Variants in SPTB observed in about 807,000 individuals in gnomAD.
SPTB encodes the protein spectrin beta chain, erythrocytic.
Under a neutral mutation model 256.2 loss-of-function variants are expected in SPTB, and 45 were observed. That is an observed-to-expected ratio of 0.18 (90% CI 0.14 to 0.23). The LOEUF (loss-of-function observed/expected upper bound fraction) is 0.23. Among genes scored for constraint, SPTB ranks in the 10% least tolerant of loss-of-function variants. The probability of loss-of-function intolerance (pLI) is 1.00; values close to 1 mark genes in which losing one functional copy is unlikely to be tolerated. For missense variants in SPTB, 2,715 were observed against 3,040.4 expected (o/e 0.89, Z 2.52); for synonymous variants, 1,231 against 1,243.1 (o/e 0.99, Z 0.21).
At position 64,786,300 on chromosome 14, in the gene SPTB, A is replaced by C. The variant is rs1279042789; in HGVS notation, c.3561+104T>G. ...CCCATGAGTGAATACAGAGTACAAG[A>C]CAAGAGTAATGTGGTCCCTGAGTCT... On this transcript the variant is annotated intron_variant, in intron 16 of 35. Coordinates refer to ENST00000644917, the MANE Select transcript of SPTB (RefSeq NM_001355436.2). This position sits in a 1 kb window ranked among gnomAD's most constrained non-coding sequence, Gnocchi z 5.6. The C allele has an allele frequency of 3.4e-6, 5 of 1,462,766 alleles. No individual in the cohort carries two copies. Among genetic ancestry groups the C allele is most frequent in the Non-Finnish European group, 3.8e-6 (4 of 1,052,282 alleles). 90.6% of individuals were successfully genotyped at this position (1,462,766 alleles called of 1,614,324 possible).
At chr14:64,840,048 G>C (rs2083582846) in intron 1 of SPTB, among the ~76,000 whole-genome samples, 1 of 152,246 alleles carries the variant, frequency 6.6e-6, no homozygotes, top group Non-Finnish European at 1.5e-5. Flanking sequence ...GACCCTGTGA[G>C]ACAGGTGGGA....
intron 7 of SPTB, 63 bp from the exon 8 acceptor site, chr14:64,800,931 G>T: frequency 7.7e-7 from 1 of 1,292,808 alleles, no homozygotes; most frequent in Non-Finnish European, 1.1e-6. Flanking sequence ...AGGCTCAGAG[G>T]GTTTATTCCC....
chr14:64,862,039 T>C (rs1566808523), intron 1 of SPTB, among the ~76,000 whole-genome samples: 2 of 152,208 alleles, frequency 1.3e-5, no homozygotes, highest in Non-Finnish European at 2.9e-5. Context: ...TTCCCCTTTC[T>C]GTGCTGAGAG....
intron 1 of SPTB, among the ~76,000 whole-genome samples, chr14:64,877,676 A>C (rs112148403): frequency 7.9e-5 from 12 of 152,374 alleles, no homozygotes; most frequent in African/African-American, 2.9e-4. Flanking sequence ...TGGGTACAAC[A>C]ACATAAAAGA....
At chr14:64,769,864 G>GAGAGAGA in intron 27 of SPTB, 136 bp from the exon 28 acceptor site, 1 of 1,225,050 alleles carries the variant, frequency 8.2e-7, no homozygotes, top group Non-Finnish European at 1.2e-6. Context: ...TGGCCAGCCA[G>GAGAGAGA]GGGGTCCTCC....
intron 1 of SPTB, among the ~76,000 whole-genome samples, chr14:64,872,148 TA>T (rs1281739669): frequency 2.0e-5 from 3 of 151,432 alleles, no homozygotes; most frequent in East Asian, 3.9e-4. Context: ...AAACAGAAAT[TA>T]AAAAAAAATA....
intron 2 of SPTB, among the ~76,000 whole-genome samples, chr14:64,810,958 A>T (rs528326023): frequency 2.0e-5 from 3 of 152,274 alleles, no homozygotes; most frequent in South Asian, 2.1e-4. Flanking sequence ...CTACAAAAAA[A>T]TTTAAAAATT....
At chr14:64,798,760 A>G (rs1205491076) in intron 9 of SPTB, among the ~76,000 whole-genome samples, 1 of 152,222 alleles carries the variant, frequency 6.6e-6, no homozygotes, top group African/African-American at 2.4e-5. Flanking sequence ...GAAACCAGAT[A>G]CTTGTTTATA....
At position 64,793,307 on chromosome 14, in the gene SPTB, T is replaced by C; in HGVS notation, c.2356A>G (p.Lys786Glu). 1 of 1,607,912 alleles carries C rather than the reference T, an allele frequency of 6.2e-7. No individual in the cohort carries two copies. The highest frequency in any genetic ancestry group is 8.5e-7 in the Non-Finnish European group (1 of 1,179,992). The part of the protein sequence containing the change: ...GATRALGKKH[K>E]DFLEELEESR... ...TCCTCCAGCTCCTCCAGGAAGTCCT[T>C]GTGCTTTTTCCCCAGGGCCCGCGTG... The change falls in exon 14 of 36, where the codon AAG (lysine) becomes GAG (glutamate). Residue 786 changes from lysine (K) to glutamate (E), a missense_variant. Lys to Glu is a moderately conservative substitution (Grantham distance 56). This residue lies in a region of SPTB where 2,239 missense variants were observed against 2,384.4 expected (regional missense o/e 0.94). Coordinates refer to ENST00000644917, the MANE Select transcript of SPTB (RefSeq NM_001355436.2). This position sits in a 1 kb window ranked among gnomAD's most constrained non-coding sequence, Gnocchi z 7.0.
At position 64,879,792 on chromosome 14, in the gene SPTB, C is replaced by A; in HGVS notation, c.-52G>T. ...GCCGCCGGGCCCTCCTGGGACTCAC[C>A]TGCCCTGGGACTGAAGCGGGGGCCA... is the stretch of plus-strand genomic sequence containing the variant. On this transcript the variant is annotated splice_region_variant and 5_prime_UTR_variant, in exon 1 of 36. It adds an upstream start codon to the 5' untranslated region. Transcript: ENST00000644917. The A allele has an allele frequency of 6.5e-6, 1 of 153,406 alleles. No homozygotes were observed. 9.5% of individuals were successfully genotyped at this position (153,406 alleles called of 1,614,324 possible). A position where few individuals can be genotyped will look rare whatever the true frequency, so the allele number is the denominator to read the frequency against.
Position 64,770,959 on chromosome 14 carries a change from G to T in SPTB, c.5724C>A (p.Phe1908Leu). The T allele has an allele frequency of 6.2e-7, 1 of 1,614,120 alleles. No homozygotes were observed. Among genetic ancestry groups the T allele is most frequent in the Non-Finnish European group, 8.5e-7 (1 of 1,180,032 alleles). Residue 1908 changes from phenylalanine to leucine, a missense_variant, in exon 27 of 36, where the codon TTC becomes TTA. Coordinates refer to ENST00000644917, the MANE Select transcript of SPTB (RefSeq NM_001355436.2). ...AGAGGAGGTCACGGGCCATGCTGAA[G>T]AAGCGGAATTTATCCGCCGTGTCCA... Reference protein sequence around the residue: ...QLVDTADKFRFFSMARDLLSW... With the variant: ...QLVDTADKFRLFSMARDLLSW...
At position 64,786,317 on chromosome 14, in the gene SPTB, C is replaced by T; in HGVS notation, c.3561+87G>A. ...AGTACAAGACAAGAGTAATGTGGTC[C>T]CTGAGTCTTACAGCACATTTGTGGA... On this transcript the variant is annotated intron_variant, in intron 16 of 35. Coordinates refer to ENST00000644917, the MANE Select transcript of SPTB (RefSeq NM_001355436.2). This position sits in a 1 kb window ranked among gnomAD's most constrained non-coding sequence, Gnocchi z 5.6. 14 of 1,542,092 alleles carry T rather than the reference C, an allele frequency of 9.1e-6. No individual in the cohort carries two copies. The South Asian group carries it at 1.5e-4, about 16-fold the overall frequency.
intron 20 of SPTB, among the ~76,000 whole-genome samples, chr14:64,780,835 C>T (rs781126904): frequency 6.6e-6 from 1 of 152,158 alleles, no homozygotes; most frequent in Non-Finnish European, 1.5e-5. Flanking sequence ...TACTACAAGG[C>T]TACAGTGACA....
intron 2 of SPTB, among the ~76,000 whole-genome samples, chr14:64,817,200 G>GT (rs80272289): frequency 0.013 from 2,036 of 152,038 alleles, 51 homozygotes; most frequent in African/African-American, 0.039. Context: ...CACAGTGCAG[G>GT]GGCATGCTGA....
At chr14:64,861,125 C>T (rs1289635069) in intron 1 of SPTB, among the ~76,000 whole-genome samples, 2 of 152,084 alleles carry the variant, frequency 1.3e-5, no homozygotes, top group Non-Finnish European at 2.9e-5. Context: ...CGCATGTTCT[C>T]ACTCATAAGT....
intron 32 of SPTB, chr14:64,754,092 A>AC: frequency 1.9e-6 from 1 of 516,250 alleles, no homozygotes; most frequent in Non-Finnish European, 3.5e-6. Context: ...AGTGAGCCAA[A>AC]GGGGCCTGAG....
chr14:64,753,923 C>G, intron 32 of SPTB, 130 bp from the exon 33 acceptor site: 1 of 1,264,044 alleles, frequency 7.9e-7, no homozygotes. Context: ...CTACTCCCAC[C>G]TCCTGGCCCA....
chr14:64,749,201 C>T lies in SPTB; in HGVS notation c.*105G>A. On this transcript the variant is annotated 3_prime_UTR_variant, in exon 36 of 36. Coordinates refer to ENST00000644917, the MANE Select transcript of SPTB (RefSeq NM_001355436.2). This position sits in a 1 kb window ranked among gnomAD's most constrained non-coding sequence, Gnocchi z 4.7. ...GGGCCCGGGGGCCCGGCCCGCGACT[C>T]GACTCATCTCGATTCGACCGGCGGG... 1.1e-5 allele frequency: 15 copies of T among 1,397,666 alleles called. No homozygotes were observed. The highest frequency in any genetic ancestry group is 8.7e-5 in the South Asian group (7 of 80,070). 86.6% of individuals were successfully genotyped at this position (1,397,666 alleles called of 1,614,324 possible). A position where few individuals can be genotyped will look rare whatever the true frequency, so the allele number is the denominator to read the frequency against.
At chr14:64,860,878 A>G (rs1185939270) in intron 1 of SPTB, among the ~76,000 whole-genome samples, 1 of 152,230 alleles carries the variant, frequency 6.6e-6, no homozygotes, top group East Asian at 1.9e-4. Context: ...GTATATACCT[A>G]TAGGAATATA....
Sources: allele counts gnomAD v4.1 joint callset (sites outside exome capture counted in the v4.1 genomes callset), GRCh38; gene constraint gnomAD v4.1.1; regional missense constraint gnomAD v4.1.1; non-coding constraint Gnocchi (gnomAD v3.1); transcripts MANE v1.5; gene names NCBI Gene and HGNC (gene_info 2026-07-23, HGNC 2026-07-21).